The following LIMK2 variants were observed in gnomAD, a reference collection of about 807,000 sequenced individuals.
LIMK2 encodes LIM domain kinase 2.
In LIMK2, 35 loss-of-function variants were observed where a neutral mutation model predicts 75.7. The ratio of observed to expected loss-of-function variants is 0.46; its 90% CI spans 0.35 to 0.61. LIMK2 has a LOEUF of 0.61. Among genes scored for constraint, LIMK2 ranks in the 20% least tolerant of loss-of-function variants. LIMK2 has a pLI of 0.00. For missense variants in LIMK2, 623 were observed against 831.0 expected (o/e 0.75, Z 3.08); for synonymous variants, 301 against 319.2 (o/e 0.94, Z 0.61).
In LIMK2 at chr22:31,257,040, A is replaced by ATTTTTTTTTT. The variant is rs529919320; in HGVS notation, c.117-1226_117-1217dup. ...TCATTAGGGGAGAAGGGAGCTATAG[A>ATTTTTTTTTT]TTTTTTTTTTTTTTTTTTTTTTTTT... On this transcript the variant is annotated intron_variant, in intron 2 of 15. Coordinates refer to ENST00000331728, the MANE Select transcript of LIMK2 (RefSeq NM_005569.4). 4.0e-4 allele frequency among the ~76,000 whole-genome samples: 30 copies of ATTTTTTTTTT among 75,078 alleles called. 1 individual carries two copies. The highest frequency in any genetic ancestry group is 7.0e-4 in the African/African-American group (19 of 27,156). The allele number at this position is 75,078 out of a possible 152,430, so 49.3% of individuals were successfully genotyped here. A position where few individuals can be genotyped will look rare whatever the true frequency, so the allele number is the denominator to read the frequency against.
intron 15 of LIMK2, 57 bp downstream of exon 15, chr22:31,275,365 C>T: frequency 6.3e-7 from 1 of 1,575,984 alleles, no homozygotes; most frequent in Non-Finnish European, 8.7e-7. Context: ...TTGCCTCTGT[C>T]TAAGGCCACC....
At chr22:31,248,200 G>A (rs2048688705) in intron 2 of LIMK2, among the ~76,000 whole-genome samples, 10 of 152,120 alleles carry the variant, frequency 6.6e-5, no homozygotes, top group Admixed American at 6.6e-4. Flanking sequence ...GTTATTGTCT[G>A]CAGCGCCTGC....
chr22:31,269,613 A>G (rs752953827), intron 11 of LIMK2, among the ~76,000 whole-genome samples: 1 of 151,930 alleles, frequency 6.6e-6, no homozygotes, highest in Admixed American at 6.6e-5. Context: ...ACTAAAGAAA[A>G]AAATGCAAAA....
intron 3 of LIMK2, chr22:31,258,744 G>A (rs1210723610): frequency 5.2e-6 from 2 of 388,206 alleles, no homozygotes. Context: ...TGTCTTTAGG[G>A]AATCAGAAAA....
chr22:31,234,338 A>C (rs1196914556), intron 2 of LIMK2, among the ~76,000 whole-genome samples: 14 of 149,716 alleles, frequency 9.4e-5, no homozygotes, highest in African/African-American at 1.3e-4. Flanking sequence ...AAAAAAAAAA[A>C]AACAAAAAAA....
In LIMK2 at chr22:31,235,878, G is replaced by A. The variant is rs76054379; in HGVS notation, c.116+10059G>A. On this transcript the variant is annotated intron_variant, in intron 2 of 15. Coordinates refer to ENST00000331728, the MANE Select transcript of LIMK2 (RefSeq NM_005569.4). Reference sequence around the variant, plus strand: ...ATCCACAAGTAATGAAAGCAGTATTGTGTTGTAGTTAAGAGCACACTCTAG... The same window carrying A: ...ATCCACAAGTAATGAAAGCAGTATTATGTTGTAGTTAAGAGCACACTCTAG... Among the ~76,000 whole-genome samples the A allele has an allele frequency of 1.9e-3, 283 of 152,300 alleles. 2 individuals are homozygous for A. The highest frequency in any genetic ancestry group is 6.3e-3 in the African/African-American group (261 of 41,556).
intron 1 of LIMK2, among the ~76,000 whole-genome samples, chr22:31,223,250 A>T (rs1049191469): frequency 6.6e-6 from 1 of 152,172 alleles, no homozygotes; most frequent in Non-Finnish European, 1.5e-5. Context: ...GTACTAAAGT[A>T]TGTGTTGATT....
intron 12 of LIMK2, among the ~76,000 whole-genome samples, chr22:31,271,531 C>G (rs2048956440): frequency 6.6e-6 from 1 of 152,108 alleles, no homozygotes; most frequent in South Asian, 2.1e-4. Context: ...CATTGCTGAC[C>G]CCATTTTACA....
intron 15 of LIMK2, chr22:31,276,797 C>CA (rs2049029003): frequency 1.9e-6 from 3 of 1,609,370 alleles, no homozygotes; most frequent in South Asian, 2.2e-5. Context: ...AGAGCCCCCC[C>CA]CGGGGCCGCA....
chr22:31,264,362 C>T (rs1601436049), intron 7 of LIMK2, among the ~76,000 whole-genome samples: 2 of 152,132 alleles, frequency 1.3e-5, no homozygotes, highest in Admixed American at 6.5e-5. Flanking sequence ...AGCCATCCAG[C>T]GTCAGTCCTC....
chr22:31,230,973 C>T (rs1171201018), intron 2 of LIMK2, among the ~76,000 whole-genome samples: 1 of 152,196 alleles, frequency 6.6e-6, no homozygotes, highest in East Asian at 1.9e-4. Flanking sequence ...TTAATCCTTA[C>T]AATGACTTAA....
intron 15 of LIMK2, chr22:31,277,153 C>T (rs1431213939): frequency 5.6e-6 from 9 of 1,613,496 alleles, no homozygotes; most frequent in Non-Finnish European, 7.6e-6. Context: ...GTCCCCGACC[C>T]AGGCGAACGG....
Position 31,262,604 on chromosome 22 carries a change from G to T in LIMK2, c.667G>T (p.Ala223Ser), listed in dbSNP as rs770151744. 4.3e-6 allele frequency: 7 copies of T among 1,611,266 alleles called. No individual in the cohort carries two copies. Among genetic ancestry groups the T allele is most frequent in the Non-Finnish European group, 5.9e-6 (7 of 1,178,134 alleles). ...RTLRVEEVED[A>S]ISQTSQTLQL... The stretch of plus-strand genomic sequence containing the variant: ...CTGCTCTTGGCCACAGGTGGAGGAT[G>T]CAATTAGCCAGACGAGCCAGACACT... The change falls in exon 7 of 16, where the codon GCA becomes TCA. Residue 223 changes from alanine to serine, a missense_variant. Physicochemically the swap from Ala to Ser is moderately conservative, Grantham distance 99 (BLOSUM62 1). This residue lies in a region of LIMK2 where 514 missense variants were observed against 661.3 expected (regional missense o/e 0.78). Transcript: ENST00000331728. The surrounding 1 kb of genome is among the most constrained non-coding windows in gnomAD (Gnocchi z 5.0).
In LIMK2 at chr22:31,278,592, G is replaced by A; in HGVS notation, c.*151G>A. On this transcript the variant is annotated 3_prime_UTR_variant, in exon 16 of 16. Transcript: ENST00000331728. ...GCCATTCCTATTACCTCCCCAGGAG[G>A]CAAGTGGGCGCAGCACCAGGGAAAT... 3 of 674,392 alleles carry A rather than the reference G, an allele frequency of 4.4e-6. No homozygotes were observed. In the South Asian group the frequency reaches 7.7e-5, roughly 17 times the overall value. 41.8% of individuals were successfully genotyped at this position (674,392 alleles called of 1,614,324 possible). A position where few individuals can be genotyped will look rare whatever the true frequency, so the allele number is the denominator to read the frequency against.
At chr22:31,219,208 G>A (rs1339348119) in intron 1 of LIMK2, among the ~76,000 whole-genome samples, 1 of 152,182 alleles carries the variant, frequency 6.6e-6, no homozygotes, top group Non-Finnish European at 1.5e-5. Flanking sequence ...TAGCTTTGTG[G>A]TGGTTAGGCA....
At position 31,268,194 on chromosome 22, in the gene LIMK2, C is replaced by A. The variant is rs1278254325; in HGVS notation, c.1311C>A (p.Ser437=). 6.2e-7 allele frequency: 1 copy of A among 1,613,480 alleles called. No homozygotes were observed. The highest frequency in any genetic ancestry group is 1.1e-5 in the South Asian group (1 of 91,082). Residue 437 remains serine, a synonymous_variant, in exon 11 of 16, where the codon TCC becomes TCA. Transcript: ENST00000331728. ...QKVRFAKGIA[S]GMAYLHSMCI... is the part of the protein sequence containing the mutation. ...TCAGGTTTGCCAAAGGAATCGCCTC[C>A]GGAATGGTGAGTCCCACCAACAAAC... is the stretch of plus-strand genomic sequence containing the variant.
chr22:31,256,347 A>G (rs1268183099), intron 2 of LIMK2, among the ~76,000 whole-genome samples: 1 of 148,022 alleles, frequency 6.8e-6, no homozygotes, highest in East Asian at 2.1e-4. Flanking sequence ...CTAGCTAGCT[A>G]TAATGTTTTT....
At position 31,267,009 on chromosome 22, in the gene LIMK2, T is replaced by C; in HGVS notation, c.1067T>C (p.Val356Ala). The change falls in exon 9 of 16, where the codon GTG becomes GCG. Residue 356 changes from valine (V) to alanine (A), a missense_variant. Physicochemically the swap from Val to Ala is moderately conservative, Grantham distance 64. Coordinates refer to ENST00000331728, the MANE Select transcript of LIMK2 (RefSeq NM_005569.4). The part of the protein sequence containing the change: ...IKVTHKATGK[V>A]MVMKELIRCD... ...GTGACACACAAAGCCACGGGCAAAG[T>C]GATGGTCATGAAAGAGTTAATTCGA... 6.2e-7 allele frequency: 1 copy of C among 1,609,972 alleles called. No homozygotes were observed. The highest frequency in any genetic ancestry group is 8.5e-7 in the Non-Finnish European group (1 of 1,177,858).
intron 2 of LIMK2, among the ~76,000 whole-genome samples, chr22:31,245,894 C>T (rs567615908): frequency 2.0e-4 from 30 of 151,362 alleles, no homozygotes; most frequent in Non-Finnish European, 8.9e-5. Context: ...AAGCCAGGGC[C>T]GGGCGCAGTG....
Sources: allele counts gnomAD v4.1 joint callset (sites outside exome capture counted in the v4.1 genomes callset), GRCh38; gene constraint gnomAD v4.1.1; regional missense constraint gnomAD v4.1.1; non-coding constraint Gnocchi (gnomAD v3.1); transcripts MANE v1.5; gene names NCBI Gene and HGNC (gene_info 2026-07-23, HGNC 2026-07-21).